The following TMEM117 variants were observed in gnomAD, a reference collection of about 807,000 sequenced individuals.
TMEM117 encodes transmembrane protein 117.
TMEM117 carries 27 observed loss-of-function variants against 52.4 expected under a neutral mutation model. That is an observed-to-expected ratio of 0.51 (90% CI 0.38 to 0.71). The LOEUF (loss-of-function observed/expected upper bound fraction) is 0.71, where lower values mean the gene tolerates loss of function less well. Among genes scored for constraint, TMEM117 ranks in the 30% least tolerant of loss-of-function variants. The probability of loss-of-function intolerance (pLI) is 0.00; values close to 1 mark genes in which losing one functional copy is unlikely to be tolerated. For synonymous variants in TMEM117, 215 were observed against 206.3 expected, an observed-to-expected ratio of 1.04 and a Z score of -0.36; for missense variants, 556 against 630.5, an observed-to-expected ratio of 0.88 and a Z score of 1.26.
chr12:44,324,876 G>A (rs1175804376), intron 6 of TMEM117, among the ~76,000 whole-genome samples: 1 of 151,966 alleles, frequency 6.6e-6, no homozygotes, highest in Non-Finnish European at 1.5e-5. Flanking sequence ...TACTATTTAT[G>A]GTGCAGCAAT....
At chr12:44,363,041 G>A (rs916399309) in intron 6 of TMEM117, among the ~76,000 whole-genome samples, 4 of 151,946 alleles carry the variant, frequency 2.6e-5, no homozygotes, top group Admixed American at 2.0e-4. Context: ...AGACACAAAC[G>A]AAACAATGGT....
intron 6 of TMEM117, among the ~76,000 whole-genome samples, chr12:44,301,100 C>G (rs1037434066): frequency 1.3e-5 from 2 of 152,106 alleles, no homozygotes; most frequent in Non-Finnish European, 2.9e-5. Context: ...TATTAGTAGC[C>G]CAGTAGACTG....
chr12:44,119,183 C>G (rs893697301), intron 3 of TMEM117, among the ~76,000 whole-genome samples: 2 of 152,278 alleles, frequency 1.3e-5, no homozygotes, highest in Middle Eastern at 6.8e-3. Context: ...TAAATAAATT[C>G]TGGTTGTGTT....
intron 6 of TMEM117, among the ~76,000 whole-genome samples, chr12:44,367,028 C>T (rs1054348899): frequency 6.6e-6 from 1 of 152,068 alleles, no homozygotes; most frequent in African/African-American, 2.4e-5. Flanking sequence ...TAACATTTGC[C>T]CTTGCAAAAA....
At chr12:44,187,445 T>G (rs1476258707) in intron 4 of TMEM117, among the ~76,000 whole-genome samples, 1 of 152,182 alleles carries the variant, frequency 6.6e-6, no homozygotes, top group Non-Finnish European at 1.5e-5. Context: ...ACTTGTTAAT[T>G]TAATCACTTA....
intron 6 of TMEM117, among the ~76,000 whole-genome samples, chr12:44,347,652 T>C (rs2138769483): frequency 6.6e-6 from 1 of 152,144 alleles, no homozygotes; most frequent in Admixed American, 6.6e-5. Flanking sequence ...AGCTGTCCCT[T>C]CTCTCTTGGG....
chr12:44,219,821 A>G (rs1949764937), intron 5 of TMEM117, among the ~76,000 whole-genome samples: 1 of 152,156 alleles, frequency 6.6e-6, no homozygotes, highest in Non-Finnish European at 1.5e-5. Flanking sequence ...TACTAGGGAG[A>G]TAACATTCCA....
chr12:44,093,196 A>AT (rs564224577), intron 3 of TMEM117, among the ~76,000 whole-genome samples: 1 of 151,802 alleles, frequency 6.6e-6, no homozygotes, highest in African/African-American at 2.4e-5. Context: ...GTCAAGGGAG[A>AT]TTTTTTTTCT....
chr12:44,343,859 G>C (rs1280031879), intron 6 of TMEM117, among the ~76,000 whole-genome samples: 1 of 152,118 alleles, frequency 6.6e-6, no homozygotes, highest in Non-Finnish European at 1.5e-5. Flanking sequence ...ACTATTTCAA[G>C]CCTGGGGAGC....
chr12:44,338,623 A>T (rs567450664), intron 6 of TMEM117, among the ~76,000 whole-genome samples: 5 of 152,190 alleles, frequency 3.3e-5, no homozygotes, highest in Admixed American at 6.6e-5. Context: ...ATAAATGAGA[A>T]GCGTAAACAT....
At chr12:43,895,323 T>C (rs1944180210) in intron 2 of TMEM117, among the ~76,000 whole-genome samples, 1 of 152,188 alleles carries the variant, frequency 6.6e-6, no homozygotes, top group African/African-American at 2.4e-5. Flanking sequence ...GCAAAGGACA[T>C]GATCTTGTTC....
At chr12:43,801,073 T>C in the TMEM117 span, among the ~76,000 whole-genome samples, 3 of 152,036 alleles carry the variant, frequency 2.0e-5, no homozygotes, top group Non-Finnish European at 2.9e-5. Flanking sequence ...CTGAAAAAAA[T>C]ATAAATTGTT....
At chr12:44,365,078 A>T (rs1188718141) in intron 6 of TMEM117, among the ~76,000 whole-genome samples, 27 of 152,124 alleles carry the variant, frequency 1.8e-4, no homozygotes, top group Non-Finnish European at 2.9e-5. Flanking sequence ...AGTATTCATT[A>T]CTAGAAATAT....
chr12:44,217,872 A>G (rs1371562446), intron 5 of TMEM117, among the ~76,000 whole-genome samples: 2 of 152,194 alleles, frequency 1.3e-5, no homozygotes. Context: ...TGGGAATGTA[A>G]TATGGAACAA....
chr12:43,944,727 C>T (rs1025643639), intron 3 of TMEM117, among the ~76,000 whole-genome samples: 21 of 152,104 alleles, frequency 1.4e-4, no homozygotes, highest in African/African-American at 3.9e-4. Flanking sequence ...GTCTGCAATG[C>T]CTGGCTAAAT....
intron 1 of TMEM117, among the ~76,000 whole-genome samples, chr12:43,842,938 G>A (rs1943139335): frequency 1.3e-5 from 2 of 152,170 alleles, no homozygotes; most frequent in South Asian, 4.1e-4. Context: ...ATGGTGATCA[G>A]CACCTGGAGT....
chr12:44,172,451 CTG>C (rs1160155997), intron 4 of TMEM117, among the ~76,000 whole-genome samples: 2 of 152,176 alleles, frequency 1.3e-5, no homozygotes, highest in Non-Finnish European at 2.9e-5. Flanking sequence ...CTGTGTGTCT[CTG>C]TGTCTTTACA....
intron 6 of TMEM117, among the ~76,000 whole-genome samples, chr12:44,321,974 T>A (rs1377537305): frequency 6.6e-6 from 1 of 152,206 alleles, no homozygotes; most frequent in African/African-American, 2.4e-5. Flanking sequence ...CACAATAAAA[T>A]GAGAGAACTT....
intron 6 of TMEM117, among the ~76,000 whole-genome samples, chr12:44,344,338 G>C (rs1951455909): frequency 6.6e-6 from 1 of 152,130 alleles, no homozygotes; most frequent in South Asian, 2.1e-4. Flanking sequence ...TATGCCACTT[G>C]TGCAGTTACA....
Sources: gnomAD v4.1 joint callset for allele counts (sites outside exome capture counted in the v4.1 genomes callset) on GRCh38, gnomAD v4.1.1 for gene constraint, MANE v1.5 for transcripts, NCBI Gene and HGNC (gene_info 2026-07-23, HGNC 2026-07-21) for gene names.